Variants in SMARCAL1 observed in about 807,000 individuals in gnomAD.
SMARCAL1 encodes the protein SNF2 related chromatin remodeling annealing helicase 1.
SMARCAL1 carries 58 observed loss-of-function variants against 94.5 expected under a neutral mutation model. The observed-to-expected ratio is 0.61, with a 90% confidence interval of 0.50 to 0.76. The LOEUF (loss-of-function observed/expected upper bound fraction) is 0.76, where lower values mean the gene tolerates loss of function less well. Ranked by LOEUF, SMARCAL1 falls within the 30% of genes least tolerant of loss-of-function variation. SMARCAL1 has a pLI of 0.00. For synonymous variants in SMARCAL1, 422 were observed against 455.1 expected (o/e 0.93, Z 0.93); for missense variants, 1,051 against 1,177.9 (o/e 0.89, Z 1.58).
At chr2:216,428,910 C>T in intron 7 of SMARCAL1, 128 bp downstream of exon 7, 3 of 882,136 alleles carry the variant, frequency 3.4e-6, no homozygotes, top group Non-Finnish European at 5.5e-6. Flanking sequence ...TTAGAAGAGT[C>T]TAGGCATTAA....
chr2:216,439,354 T>C (rs1196542831), intron 10 of SMARCAL1, among the ~76,000 whole-genome samples: 1 of 152,056 alleles, frequency 6.6e-6, no homozygotes, highest in Non-Finnish European at 1.5e-5. Flanking sequence ...TTTCCTATTA[T>C]TGTAAGAGGG....
chr2:216,466,288 A>G (rs947432317), intron 13 of SMARCAL1, among the ~76,000 whole-genome samples: 5 of 152,218 alleles, frequency 3.3e-5, no homozygotes, highest in South Asian at 2.1e-4. Flanking sequence ...TCAAATTTCT[A>G]TTATACAATA....
chr2:216,436,245 A>G (rs1694079523), intron 9 of SMARCAL1, among the ~76,000 whole-genome samples: 1 of 152,228 alleles, frequency 6.6e-6, no homozygotes, highest in Non-Finnish European at 1.5e-5. Context: ...CTGGGATTAC[A>G]GGCATGAGCC....
chr2:216,454,487 A>C (rs367714814), intron 12 of SMARCAL1, among the ~76,000 whole-genome samples: 3 of 152,260 alleles, frequency 2.0e-5, no homozygotes, highest in African/African-American at 7.2e-5. Flanking sequence ...AAGTGCTACA[A>C]ATTCTGGTTC....
In SMARCAL1 at chr2:216,478,197, C is replaced by T; in HGVS notation, c.2529-6C>T. ...GTATTCACTGCAGCTCATTTCTCCC[C>T]AACAGGCCCCTGATTCAAGAGAAGA... On this transcript the variant is annotated splice_polypyrimidine_tract_variant and splice_region_variant and intron_variant, in intron 16 of 17. Transcript: ENST00000357276. The T allele has an allele frequency of 6.2e-7, 1 of 1,613,596 alleles. No homozygotes were observed. Among genetic ancestry groups the T allele is most frequent in the Non-Finnish European group, 8.5e-7 (1 of 1,179,512 alleles).
rs1695225834 is a variant in SMARCAL1 at position 216,482,627 on chromosome 2, T to C, written c.2626-111T>C. On this transcript the variant is annotated intron_variant, in intron 17 of 17. Transcript: ENST00000357276. The surrounding 1 kb of genome is among the most constrained non-coding windows in gnomAD (Gnocchi z 4.3). ...GCCATCGTGTAGCTCCCTGACACCA[T>C]GAAATGTGTGGTCTCTCATCTTTAT... 4.7e-6 allele frequency: 7 copies of C among 1,475,908 alleles called. No individual in the cohort carries two copies. In the South Asian group the frequency reaches 8.0e-5, roughly 17 times the overall value. The allele number at this position is 1,475,908 out of a possible 1,614,324, so 91.4% of individuals were successfully genotyped here. A position where few individuals can be genotyped will look rare whatever the true frequency, so the allele number is the denominator to read the frequency against.
At chr2:216,421,819 A>C (rs1055252695) in intron 5 of SMARCAL1, among the ~76,000 whole-genome samples, 1 of 152,220 alleles carries the variant, frequency 6.6e-6, no homozygotes, top group African/African-American at 2.4e-5. Flanking sequence ...GAGACCTCAC[A>C]TTCAAGCATT....
rs76010507 is a variant in SMARCAL1 at position 216,430,619 on chromosome 2, C to T, written c.1334+1837C>T. Among the ~76,000 whole-genome samples, 1,508 of 152,162 alleles carry T rather than the reference C, an allele frequency of 9.9e-3. 16 individuals carry two copies. Among genetic ancestry groups the T allele is most frequent in the Middle Eastern group, 0.048 (14 of 294 alleles). On this transcript the variant is annotated intron_variant, in intron 7 of 17. Transcript: ENST00000357276. ...TTCTGTCTTTGTTGTCATTTTTTGG[C>T]CACTTTGTTCCTTAGTTGGGCTCCC... is the stretch of plus-strand genomic sequence containing the variant.
intron 12 of SMARCAL1, among the ~76,000 whole-genome samples, chr2:216,463,724 A>C (rs1465599666): frequency 6.6e-6 from 1 of 152,212 alleles, no homozygotes; most frequent in East Asian, 1.9e-4. Flanking sequence ...GTATACCAAG[A>C]ACACCTGAAT....
In SMARCAL1 at chr2:216,464,990, GA is replaced by G. The variant is rs540339669; in HGVS notation, c.2141+325del. Among the ~76,000 whole-genome samples the G allele has an allele frequency of 3.9e-3, 596 of 152,162 alleles. 4 individuals carry two copies. The highest frequency in any genetic ancestry group is 5.7e-3 in the Non-Finnish European group (389 of 67,986). The stretch of plus-strand genomic sequence containing the variant: ...GTGAGACCCCATTTATACAAAAAAT[GA>G]ACAGAATTAGCTGGGCATGGTGGCA... On this transcript the variant is annotated intron_variant, in intron 13 of 17. Transcript: ENST00000357276.
In SMARCAL1 at chr2:216,477,765, C is replaced by G. The variant is rs113610296; in HGVS notation, c.2529-438C>G. ...AAAAAGCTTCTTCCCCTTATCTCCC[C>G]CTTCCTGATACAAAATTTCTTGATT... On this transcript the variant is annotated intron_variant, in intron 16 of 17. Coordinates refer to ENST00000357276, the MANE Select transcript of SMARCAL1 (RefSeq NM_014140.4). 2.8e-3 allele frequency among the ~76,000 whole-genome samples: 433 copies of G among 152,222 alleles called. 6 individuals are homozygous for G. The highest frequency in any genetic ancestry group is 0.026 in the East Asian group (132 of 5,174).
chr2:216,431,265 G>A (rs536854875), intron 7 of SMARCAL1, among the ~76,000 whole-genome samples: 16 of 152,256 alleles, frequency 1.1e-4, no homozygotes, highest in Non-Finnish European at 1.9e-4. Flanking sequence ...GCTAGCTGCT[G>A]ATTAGAAGAG....
intron 7 of SMARCAL1, among the ~76,000 whole-genome samples, chr2:216,430,071 G>T (rs1339229696): frequency 6.6e-6 from 1 of 152,100 alleles, no homozygotes; most frequent in Non-Finnish European, 1.5e-5. Flanking sequence ...GCCATCCTTG[G>T]GCCCACGTGT....
chr2:216,428,007 G>C (rs1331545988), intron 6 of SMARCAL1, among the ~76,000 whole-genome samples: 1 of 152,192 alleles, frequency 6.6e-6, no homozygotes, highest in Non-Finnish European at 1.5e-5. Context: ...GGGTTACTCT[G>C]ACTCCCAGAG....
chr2:216,449,890 TG>T (rs1344469642), intron 11 of SMARCAL1, among the ~76,000 whole-genome samples: 3 of 151,662 alleles, frequency 2.0e-5, no homozygotes, highest in African/African-American at 7.3e-5. Flanking sequence ...CAGGTTGGAG[TG>T]CAGTGACACC....
At chr2:216,459,799 CA>C (rs1156944178) in intron 12 of SMARCAL1, among the ~76,000 whole-genome samples, 1 of 151,816 alleles carries the variant, frequency 6.6e-6, no homozygotes, top group East Asian at 1.9e-4. Flanking sequence ...TCTAAAACAC[CA>C]AAAGCAATGG....
In SMARCAL1 at chr2:216,478,632, C is replaced by T. The variant is rs755377377; in HGVS notation, c.2625+333C>T. 9.9e-5 allele frequency among the ~76,000 whole-genome samples: 15 copies of T among 152,200 alleles called. 1 individual carries two copies. Among genetic ancestry groups the T allele is most frequent in the Admixed American group, 9.8e-4 (15 of 15,282 alleles). On this transcript the variant is annotated intron_variant, in intron 17 of 17. Coordinates refer to ENST00000357276, the MANE Select transcript of SMARCAL1 (RefSeq NM_014140.4). Reference sequence around the variant, plus strand: ...ACAGCAACACCACACATAGGGCTGCCACAGGAATGCATCCCCAGCACAGAA... The same window carrying T: ...ACAGCAACACCACACATAGGGCTGCTACAGGAATGCATCCCCAGCACAGAA...
At chr2:216,456,271 G>T (rs1174216124) in intron 12 of SMARCAL1, among the ~76,000 whole-genome samples, 3 of 152,200 alleles carry the variant, frequency 2.0e-5, no homozygotes, top group Non-Finnish European at 2.9e-5. Context: ...AAAACACTCT[G>T]CAGGATATTA....
chr2:216,472,952 T>C (rs1337746243), intron 14 of SMARCAL1, among the ~76,000 whole-genome samples: 3 of 152,210 alleles, frequency 2.0e-5, no homozygotes, highest in Non-Finnish European at 4.4e-5. Context: ...TATCGTACTT[T>C]GGTTTGTAGT....
Sources: gnomAD v4.1 joint callset for allele counts (sites outside exome capture counted in the v4.1 genomes callset) on GRCh38, gnomAD v4.1.1 for gene constraint, Gnocchi (gnomAD v3.1) non-coding constraint, MANE v1.5 for transcripts, NCBI Gene and HGNC (gene_info 2026-07-23, HGNC 2026-07-21) for gene names.